RAPGEF4: variants seen among roughly 807,000 people sequenced by gnomAD.
The protein encoded by RAPGEF4 is Rap guanine nucleotide exchange factor 4, also known as RAP guanine-nucleotide-exchange factor (GEF) 4.
A neutral mutation model predicts 147.9 loss-of-function variants in RAPGEF4; 66 were observed. That is an observed-to-expected ratio of 0.45 (90% CI 0.37 to 0.55). RAPGEF4 has a LOEUF of 0.55. Ranked by LOEUF, RAPGEF4 falls within the 20% of genes least tolerant of loss-of-function variation. The pLI is 0.00. For missense variants in RAPGEF4, 1,071 were observed against 1,257.3 expected (o/e 0.85, Z 2.24); for synonymous variants, 419 against 442.7 (o/e 0.95, Z 0.67).
intron 17 of RAPGEF4, 118 bp downstream of exon 17, chr2:173,001,462 C>A: frequency 1.6e-6 from 2 of 1,230,286 alleles, no homozygotes; most frequent in South Asian, 1.3e-5. Context: ...TTGTGCATTC[C>A]ACCCTCATCA....
intron 29 of RAPGEF4, among the ~76,000 whole-genome samples, chr2:173,047,493 G>A (rs1685622306): frequency 6.6e-6 from 1 of 152,012 alleles, no homozygotes; most frequent in African/African-American, 2.4e-5. Context: ...AATGCAATGT[G>A]AAAAATTTCA....
chr2:173,037,638 T>A (rs1684212122), intron 29 of RAPGEF4, among the ~76,000 whole-genome samples: 1 of 151,946 alleles, frequency 6.6e-6, no homozygotes, highest in Non-Finnish European at 1.5e-5. Context: ...GTGGATGGAG[T>A]GTTGGAGTGC....
intron 4 of RAPGEF4, among the ~76,000 whole-genome samples, chr2:172,823,435 C>A (rs554110802): frequency 1.9e-3 from 288 of 152,334 alleles, no homozygotes; most frequent in South Asian, 0.015. Context: ...GAGAAATCCG[C>A]TCTGGGGTTT....
Position 173,027,106 on chromosome 2 carries a change from G to C in RAPGEF4, c.2405G>C (p.Gly802Ala). Residue 802 changes from glycine to alanine, a missense_variant, in exon 25 of 31, where the codon GGA (glycine) becomes GCA (alanine). Physicochemically the swap from Gly to Ala is moderately conservative, Grantham distance 60 (BLOSUM62 0). Transcript: ENST00000397081. ...CTGGAGCTAATCTATCACACATTTG[G>C]AAGGCATAATTTTAAAAAGACCACA... ...HELELIYHTF[G>A]RHNFKKTTAN... The C allele has an allele frequency of 6.2e-7, 1 of 1,605,508 alleles. No homozygotes were observed. The highest frequency in any genetic ancestry group is 8.5e-7 in the Non-Finnish European group (1 of 1,177,712).
At chr2:173,050,984 C>T (rs568581150) in intron 30 of RAPGEF4, among the ~76,000 whole-genome samples, 7 of 152,288 alleles carry the variant, frequency 4.6e-5, no homozygotes, top group Admixed American at 4.6e-4. Context: ...TGCTCACATG[C>T]TTGGGATGTG....
In RAPGEF4 at chr2:173,024,223, T is replaced by A. The variant is rs1366122697; in HGVS notation, c.2254-2349T>A. Among the ~76,000 whole-genome samples the A allele has an allele frequency of 1.3e-3, 185 of 147,562 alleles. 2 individuals carry two copies. Among genetic ancestry groups the A allele is most frequent in the Middle Eastern group, 3.5e-3 (1 of 286 alleles). On this transcript the variant is annotated intron_variant, in intron 23 of 30. Transcript: ENST00000397081. ...CAGCACTTCTTTTTTTTATTATTTT[T>A]TTTTTTTTTTTTGAGACGGAGTCTC... is the stretch of plus-strand genomic sequence containing the variant.
chr2:172,758,187 T>C (rs6728026), intron 1 of RAPGEF4, among the ~76,000 whole-genome samples: 2 of 151,950 alleles, frequency 1.3e-5, no homozygotes, highest in South Asian at 2.1e-4. Context: ...TTCCTGGCAA[T>C]GGGAACAACC....
chr2:172,793,180 G>A (rs1045779050), intron 1 of RAPGEF4, among the ~76,000 whole-genome samples: 13 of 152,140 alleles, frequency 8.5e-5, no homozygotes, highest in African/African-American at 2.9e-4. Context: ...TGTTTTCCCG[G>A]TGTCTCTCTG....
At chr2:173,028,686 C>T (rs557988305) in intron 25 of RAPGEF4, among the ~76,000 whole-genome samples, 2 of 151,986 alleles carry the variant, frequency 1.3e-5, no homozygotes, top group African/African-American at 2.4e-5. Context: ...CTACATTTGC[C>T]GTCCTGTAGA....
In RAPGEF4 at chr2:172,996,517, A is replaced by C. The variant is rs1693377669; in HGVS notation, c.1542A>C (p.Glu514Asp). The change falls in exon 16 of 31, where the codon GAA (glutamate) becomes GAC (aspartate). Residue 514 changes from glutamate (E) to aspartate (D), a missense_variant. Glu to Asp is a conservative substitution (Grantham distance 45). Transcript: ENST00000397081. ...TPEKILEHFL[E>D]TIRLEATLNE... ...AAAAAATTTTAGAGCATTTTCTAGA[A>C]ACAATACGCCTTGAGGCAACTTTAA... is the stretch of plus-strand genomic sequence containing the variant. 6.3e-7 allele frequency: 1 copy of C among 1,584,808 alleles called. No homozygotes were observed. The highest frequency in any genetic ancestry group is 1.9e-5 in the Admixed American group (1 of 52,716).
At chr2:172,763,243 C>T (rs915319675) in intron 1 of RAPGEF4, among the ~76,000 whole-genome samples, 3 of 152,142 alleles carry the variant, frequency 2.0e-5, no homozygotes, top group African/African-American at 7.2e-5. Flanking sequence ...TTGAGTCATA[C>T]AGGAATAAGG....
chr2:173,047,581 A>G (rs1368439846), intron 29 of RAPGEF4, among the ~76,000 whole-genome samples: 1 of 152,204 alleles, frequency 6.6e-6, no homozygotes, highest in African/African-American at 2.4e-5. Context: ...TAAATATAAG[A>G]AGGCTATATG....
At chr2:172,839,436 A>G (rs1691340757) in intron 4 of RAPGEF4, among the ~76,000 whole-genome samples, 1 of 152,080 alleles carries the variant, frequency 6.6e-6, no homozygotes, top group Non-Finnish European at 1.5e-5. Context: ...TTTTTAGGCC[A>G]TATGGGGTAA....
At chr2:172,964,794 C>G (rs1457160030) in intron 8 of RAPGEF4, among the ~76,000 whole-genome samples, 1 of 152,186 alleles carries the variant, frequency 6.6e-6, no homozygotes. Flanking sequence ...TCTCTCACCC[C>G]ATGGGGAATT....
chr2:172,889,808 G>A (rs1697694559), intron 4 of RAPGEF4: 3 of 980,070 alleles, frequency 3.1e-6, no homozygotes, highest in South Asian at 9.4e-5. Context: ...GTCAATGTCA[G>A]TATTTAAACT....
chr2:172,987,277 A>G (rs1443172214), intron 12 of RAPGEF4, among the ~76,000 whole-genome samples: 1 of 152,168 alleles, frequency 6.6e-6, no homozygotes, highest in African/African-American at 2.4e-5. Flanking sequence ...ACTCCAGCCT[A>G]GGTGACAGAG....
intron 4 of RAPGEF4, among the ~76,000 whole-genome samples, chr2:172,818,135 T>C (rs932865491): frequency 2.7e-5 from 4 of 150,832 alleles, no homozygotes; most frequent in African/African-American, 7.3e-5. Flanking sequence ...AGCTAAGCTA[T>C]GAGGATGCAA....
At chr2:172,827,561 AAGTGAGGC>A (rs141989757) in intron 4 of RAPGEF4, among the ~76,000 whole-genome samples, 2,272 of 152,196 alleles carry the variant, frequency 0.015, 18 homozygotes, top group South Asian at 0.033. Context: ...TCAGCAGCAT[AAGTGAGGC>A]AGTACAGAGC....
chr2:172,995,226 G>A (rs1296622403), intron 15 of RAPGEF4, among the ~76,000 whole-genome samples: 1 of 147,604 alleles, frequency 6.8e-6, no homozygotes, highest in African/African-American at 2.5e-5. Flanking sequence ...TATTTTCATT[G>A]TTGTTTTTAC....
Sources: gnomAD v4.1 joint callset for allele counts (sites outside exome capture counted in the v4.1 genomes callset) on GRCh38, gnomAD v4.1.1 for gene constraint, MANE v1.5 for transcripts, NCBI Gene and HGNC (gene_info 2026-07-23, HGNC 2026-07-21) for gene names.